ATP11C: variants seen among roughly 807,000 people sequenced by gnomAD.
The protein encoded by ATP11C is phospholipid-transporting ATPase IG.
A neutral mutation model predicts 97.4 loss-of-function variants in ATP11C; 36 were observed. The ratio of observed to expected loss-of-function variants is 0.37; its 90% CI spans 0.28 to 0.49. The LOEUF (loss-of-function observed/expected upper bound fraction) is 0.49, where lower values mean the gene tolerates loss of function less well. Among genes scored for constraint, ATP11C ranks in the 20% least tolerant of loss-of-function variants. The probability of loss-of-function intolerance (pLI) is 0.98; values close to 1 mark genes in which losing one functional copy is unlikely to be tolerated. For synonymous variants in ATP11C, 275 were observed against 290.9 expected (o/e 0.95, Z 0.56); for missense variants, 730 against 824.6 (o/e 0.89, Z 1.40).
At chrX:139,804,882 A>G (rs776762288) in intron 5 of ATP11C, among the ~76,000 whole-genome samples, 50 of 112,322 alleles carry the variant, frequency 4.5e-4, no homozygotes, top group Non-Finnish European at 8.8e-4. Flanking sequence ...TTTCTTGCAC[A>G]AATGTTTGAT....
intron 1 of ATP11C, among the ~76,000 whole-genome samples, chrX:139,931,574 A>G (rs2148199846): frequency 8.9e-6 from 1 of 112,379 alleles, no homozygotes; most frequent in African/African-American, 3.2e-5. Flanking sequence ...CTCAGCCCCC[A>G]GCTCTTCTTT....
chrX:139,934,157 A>G (rs1231044013), upstream of ATP11C, among the ~76,000 whole-genome samples: 1 of 112,020 alleles, frequency 8.9e-6, no homozygotes, highest in Non-Finnish European at 1.9e-5. Context: ...ATCACGCTGT[A>G]GTGGCAGACG....
intron 1 of ATP11C, among the ~76,000 whole-genome samples, chrX:139,831,067 G>T (rs775031138): frequency 9.0e-6 from 1 of 111,546 alleles, no homozygotes; most frequent in East Asian, 2.8e-4. Flanking sequence ...TAAACTTAAT[G>T]TGTAATTTAC....
chrX:139,738,215 T>C (rs2081484578), intron 27 of ATP11C, 146 bp from the exon 28 acceptor site: 3 of 402,444 alleles, frequency 7.5e-6, no homozygotes, highest in Non-Finnish European at 7.7e-6. Context: ...TATCCCAAAG[T>C]AATAAACAAA....
chrX:139,726,848 T>A lies in ATP11C; in HGVS notation c.*2118A>T, dbSNP rs2081261423. On this transcript the variant is annotated 3_prime_UTR_variant, in exon 30 of 30. Coordinates refer to ENST00000682941, the MANE Select transcript of ATP11C (RefSeq NM_001353812.2). The stretch of plus-strand genomic sequence containing the variant: ...TGAGTGCTAGGAATACTGCATGGTC[T>A]ATTTCAAGTTATTCGATCTGCTAAC... 1 of 111,734 alleles carries A rather than the reference T, an allele frequency of 8.9e-6. No homozygotes were observed. The highest frequency in any genetic ancestry group is 3.8e-4 in the South Asian group (1 of 2,647). The allele number at this position is 111,734 out of a possible 1,213,427, so 9.2% of individuals were successfully genotyped here. A position where few individuals can be genotyped will look rare whatever the true frequency, so the allele number is the denominator to read the frequency against.
chrX:139,901,664 A>G (rs1268781123), intron 1 of ATP11C, among the ~76,000 whole-genome samples: 1 of 111,425 alleles, frequency 9.0e-6, no homozygotes, highest in African/African-American at 3.3e-5. Flanking sequence ...AATATAGAAG[A>G]TATTGTATAG....
chrX:139,934,741 C>A (rs1390330211), upstream of ATP11C, among the ~76,000 whole-genome samples: 1 of 109,750 alleles, frequency 9.1e-6, no homozygotes, highest in Non-Finnish European at 1.9e-5. Context: ...TTAGTAGAGA[C>A]GGGGTTTCAC....
rs373337110 is a variant in ATP11C, at chrX:139,793,001, G to A, written c.1206+3272C>T. Among the ~76,000 whole-genome samples, 37 of 111,724 alleles carry A rather than the reference G, an allele frequency of 3.3e-4. 1 individual carries two copies. In the East Asian group the frequency reaches 8.2e-3, roughly 25 times the overall value. On this transcript the variant is annotated intron_variant, in intron 12 of 29. Coordinates refer to ENST00000682941, the MANE Select transcript of ATP11C (RefSeq NM_001353812.2). The stretch of plus-strand genomic sequence containing the variant: ...CCGGAGGCCCAGACTTGTGACTGGT[G>A]TCTAGGAGTCATGGGGCAGTCTTGG...
chrX:139,871,452 G>A (rs2084375102), intron 1 of ATP11C, among the ~76,000 whole-genome samples: 1 of 107,341 alleles, frequency 9.3e-6, no homozygotes, highest in South Asian at 4.1e-4. Flanking sequence ...CAAGTGATCC[G>A]CCTACCTCGG....
chrX:139,844,673 G>T (rs779243464), intron 1 of ATP11C, among the ~76,000 whole-genome samples: 6 of 111,927 alleles, frequency 5.4e-5, no homozygotes, highest in Non-Finnish European at 1.1e-4. Context: ...GTAGGGGCCT[G>T]TGTATTTGTG....
chrX:139,732,228 C>A (rs1383406107), intron 28 of ATP11C, among the ~76,000 whole-genome samples: 2 of 110,941 alleles, frequency 1.8e-5, no homozygotes, highest in African/African-American at 6.5e-5. Context: ...GACTACAGAC[C>A]CGTAGTCCAA....
rs751761815 is a variant in ATP11C at position 139,740,980 on chromosome X, C to T, written c.3134+11G>A. The T allele has an allele frequency of 7.2e-6, 8 of 1,107,697 alleles. No homozygotes were observed. In the East Asian group the frequency reaches 2.1e-4, roughly 29 times the overall value. The allele number at this position is 1,107,697 out of a possible 1,213,427, so 91.3% of individuals were successfully genotyped here. The stretch of plus-strand genomic sequence containing the variant: ...TATTTACATATTGCTCACACATGTA[C>T]AATTGCTTACCAAATAATTCCTCCC... On this transcript the variant is annotated intron_variant, in intron 27 of 29. Transcript: ENST00000682941.
intron 24 of ATP11C, among the ~76,000 whole-genome samples, chrX:139,748,198 T>C (rs1254080988): frequency 1.8e-5 from 2 of 111,568 alleles, no homozygotes; most frequent in East Asian, 5.6e-4. Context: ...CTTTAATACA[T>C]AGTGGCTCAT....
Position 139,728,077 on chromosome X carries a change from A to G in ATP11C, c.*889T>C, listed in dbSNP as rs1157177480. 1 of 112,451 alleles carries G rather than the reference A, an allele frequency of 8.9e-6. No individual in the cohort carries two copies. Among genetic ancestry groups the G allele is most frequent in the Non-Finnish European group, 1.9e-5 (1 of 53,210 alleles). The allele number at this position is 112,451 out of a possible 1,213,427, so 9.3% of individuals were successfully genotyped here. A position where few individuals can be genotyped will look rare whatever the true frequency, so the allele number is the denominator to read the frequency against. On this transcript the variant is annotated 3_prime_UTR_variant, in exon 30 of 30. Transcript: ENST00000682941. The stretch of plus-strand genomic sequence containing the variant: ...TCACATAAAATTATAAAAGGCTGAT[A>G]TTCAGAATGACCTTTATTTTTATAT...
intron 1 of ATP11C, among the ~76,000 whole-genome samples, chrX:139,868,821 A>G (rs1292479625): frequency 8.9e-6 from 1 of 111,868 alleles, no homozygotes; most frequent in Non-Finnish European, 1.9e-5. Context: ...CTGAATAGAC[A>G]CTTCTCCAAA....
intron 12 of ATP11C, among the ~76,000 whole-genome samples, chrX:139,790,020 ACT>A (rs1491522143): frequency 1.9e-5 from 2 of 107,727 alleles, no homozygotes; most frequent in African/African-American, 3.4e-5. Context: ...ATAGAGTGAG[ACT>A]CTGTCTCAGG....
At chrX:139,750,866 AT>A (rs1057191934) in intron 23 of ATP11C, among the ~76,000 whole-genome samples, 15 of 111,853 alleles carry the variant, frequency 1.3e-4, no homozygotes, top group Non-Finnish European at 1.9e-5. Flanking sequence ...CTCTGATATT[AT>A]AAATCTTCCT....
chrX:139,744,402 T>G (rs931464458), intron 25 of ATP11C, among the ~76,000 whole-genome samples: 2 of 112,063 alleles, frequency 1.8e-5, no homozygotes, highest in African/African-American at 6.5e-5. Flanking sequence ...AAAACCTTAT[T>G]AATTTGGACT....
chrX:139,844,087 G>A (rs1305950982), intron 1 of ATP11C, among the ~76,000 whole-genome samples: 4 of 111,691 alleles, frequency 3.6e-5, no homozygotes, highest in Non-Finnish European at 7.5e-5. Context: ...GAAACAGAGA[G>A]AAACCTTATA....
Sources: gnomAD v4.1 joint callset for allele counts (sites outside exome capture counted in the v4.1 genomes callset) on GRCh38, gnomAD v4.1.1 for gene constraint, MANE v1.5 for transcripts, NCBI Gene and HGNC (gene_info 2026-07-23, HGNC 2026-07-21) for gene names.